Variants in ZNF585B observed in about 807,000 individuals in gnomAD.
ZNF585B encodes the protein zinc finger protein 585B, also known as zinc finger protein 41-like protein.
A neutral mutation model predicts 14.0 loss-of-function variants in ZNF585B; 7 were observed. That is an observed-to-expected ratio of 0.50 (90% confidence interval 0.28 to 0.94). The LOEUF is 0.94. ZNF585B is among the 40% of genes least tolerant of loss of function. ZNF585B has a pLI of 0.09. For missense variants in ZNF585B, 750 were observed against 924.4 expected, an observed-to-expected ratio of 0.81 and a Z score of 2.45; for synonymous variants, 290 against 317.3, an observed-to-expected ratio of 0.91 and a Z score of 0.91.
intron 2 of ZNF585B, among the ~76,000 whole-genome samples, chr19:37,194,857 T>G (rs1003487918): frequency 2.0e-5 from 3 of 151,808 alleles, no homozygotes; most frequent in African/African-American, 7.3e-5. Context: ...CAAATTTAAA[T>G]GAATAAAATA....
At position 37,182,460 on chromosome 19, in the gene ZNF585B, C is replaced by G. The variant is rs1482071160; in HGVS notation, c.*2767G>C. 6.6e-6 allele frequency: 1 copy of G among 152,132 alleles called. No individual in the cohort carries two copies. The highest frequency in any genetic ancestry group is 2.4e-5 in the African/African-American group (1 of 41,416). 9.4% of individuals were successfully genotyped at this position (152,132 alleles called of 1,614,324 possible). On this transcript the variant is annotated 3_prime_UTR_variant, in exon 5 of 5. Transcript: ENST00000532828. ...ATGTTGTATCACAAAATATCCAAAA[C>G]TGAAGGAAGAATAGTGAAGCTTCAG...
chr19:37,206,938 G>T (rs765649617), intron 2 of ZNF585B, 102 bp downstream of exon 2: 18 of 1,433,116 alleles, frequency 1.3e-5, no homozygotes, highest in Non-Finnish European at 1.7e-5. Flanking sequence ...GAGTCCAGCT[G>T]GTTCCTAAGG....
chr19:37,205,629 G>A (rs1972577368), intron 2 of ZNF585B, among the ~76,000 whole-genome samples: 3 of 152,168 alleles, frequency 2.0e-5, no homozygotes, highest in Admixed American at 2.0e-4. Flanking sequence ...AGGCAGAGGT[G>A]GGTGAACCAC....
At chr19:37,207,393 C>A in intron 1 of ZNF585B, 139 bp from the exon 2 acceptor site, 1 of 486,000 alleles carries the variant, frequency 2.1e-6, no homozygotes, top group Non-Finnish European at 3.4e-6. Flanking sequence ...ACCTGGAGGG[C>A]TTGTTAAAAC....
Position 37,189,723 on chromosome 19 carries a change from A to T in ZNF585B, c.230T>A (p.Met77Lys). The T allele has an allele frequency of 6.2e-7, 1 of 1,614,018 alleles. No homozygotes were observed. Among genetic ancestry groups the T allele is most frequent in the South Asian group, 1.1e-5 (1 of 91,060 alleles). ...CCATGGTTCCTTTCCTTGCTCCAAC[A>T]TGACCACCTCTGGTTTAGGAACTTG... ...GYQVPKPEVV[M>K]LEQGKEPWAL... Residue 77 changes from methionine to lysine, a missense_variant, in exon 4 of 5, where the codon ATG (methionine) becomes AAG (lysine). Transcript: ENST00000532828.
chr19:37,199,630 CA>C (rs11299786), intron 2 of ZNF585B: 40,107 of 280,124 alleles, frequency 0.14, 3,478 homozygotes, highest in African/African-American at 0.26. Context: ...AAGGATAAAA[CA>C]AAAATAGAGA....
chr19:37,209,183 C>A (rs1324811393), intron 1 of ZNF585B, among the ~76,000 whole-genome samples: 1 of 152,070 alleles, frequency 6.6e-6, no homozygotes, highest in Non-Finnish European at 1.5e-5. Flanking sequence ...TGGCTCACTG[C>A]GACCTCCGCC....
intron 2 of ZNF585B, chr19:37,199,106 G>A (rs1329077146): frequency 3.0e-6 from 3 of 1,001,738 alleles, no homozygotes; most frequent in Non-Finnish European, 2.9e-6. Context: ...CACTTGTATA[G>A]TCACACCCTA....
intron 2 of ZNF585B, among the ~76,000 whole-genome samples, chr19:37,197,811 T>TA (rs1455625279): frequency 6.6e-6 from 1 of 152,204 alleles, no homozygotes; most frequent in Non-Finnish European, 1.5e-5. Context: ...CCATTATTTT[T>TA]AATGGCAAAA....
intron 1 of ZNF585B, 70 bp from the exon 2 acceptor site, chr19:37,207,324 C>G (rs1972596836): frequency 2.6e-5 from 31 of 1,208,488 alleles, no homozygotes; most frequent in Non-Finnish European, 3.4e-5. Context: ...CACCAAGGTG[C>G]AGGTCCCTGC....
At chr19:37,199,432 G>A (rs779369166) in intron 2 of ZNF585B, 1 of 402,430 alleles carries the variant, frequency 2.5e-6, no homozygotes, top group South Asian at 1.6e-5. Flanking sequence ...GGCTAAGGTG[G>A]GGGGATCGAT....
intron 1 of ZNF585B, among the ~76,000 whole-genome samples, chr19:37,209,427 C>T (rs929823401): frequency 3.3e-5 from 5 of 152,066 alleles, no homozygotes; most frequent in African/African-American, 9.7e-5. Context: ...ATACACTCAA[C>T]TGATCCCAAT....
At chr19:37,207,771 T>C (rs1257408844) in intron 1 of ZNF585B, among the ~76,000 whole-genome samples, 1 of 152,152 alleles carries the variant, frequency 6.6e-6, no homozygotes, top group Non-Finnish European at 1.5e-5. Flanking sequence ...GCAATTACCA[T>C]GCACTATATT....
chr19:37,207,233 C>A lies in ZNF585B; in HGVS notation c.-122G>T. ...TCTGGAGGAAGGTCTGGCCCAGGGACTCCCCAGAGACACCCAAGAACCTAG... is the reference window on the plus strand; with the variant it reads ...TCTGGAGGAAGGTCTGGCCCAGGGAATCCCCAGAGACACCCAAGAACCTAG... On this transcript the variant is annotated 5_prime_UTR_variant, in exon 2 of 5. Transcript: ENST00000532828. 6.6e-7 allele frequency: 1 copy of A among 1,523,122 alleles called. No individual in the cohort carries two copies. The highest frequency in any genetic ancestry group is 8.8e-7 in the Non-Finnish European group (1 of 1,138,616). 94.4% of individuals were successfully genotyped at this position (1,523,122 alleles called of 1,614,324 possible).
chr19:37,185,705 C>T lies in ZNF585B; in HGVS notation c.1832G>A (p.Cys611Tyr). Residue 611 changes from cysteine (C) to tyrosine (Y), a missense_variant, in exon 5 of 5, where the codon TGT (cysteine) becomes TAT (tyrosine). This residue lies in a region of ZNF585B where 233 missense variants were observed against 354.1 expected (regional missense o/e 0.66). Transcript: ENST00000532828. Reference sequence around the variant, plus strand: ...AGACTTGGAGGTAAAGGACTTCCCACAGTCACTGCATTCATAAGGCTTCTC... The same window carrying T: ...AGACTTGGAGGTAAAGGACTTCCCATAGTCACTGCATTCATAAGGCTTCTC... ...TGEKPYECSD[C>Y]GKSFTSKSQL... The T allele has an allele frequency of 1.9e-6, 3 of 1,598,110 alleles. No individual in the cohort carries two copies. The highest frequency in any genetic ancestry group is 8.5e-7 in the Non-Finnish European group (1 of 1,171,674).
intron 2 of ZNF585B, among the ~76,000 whole-genome samples, chr19:37,194,539 G>C (rs186602779): frequency 5.7e-4 from 87 of 152,288 alleles, no homozygotes; most frequent in Non-Finnish European, 1.2e-4. Flanking sequence ...TTTGAACCTG[G>C]GAGGTGGAGG....
chr19:37,200,736 G>A (rs536408712), intron 2 of ZNF585B, among the ~76,000 whole-genome samples: 184 of 151,626 alleles, frequency 1.2e-3, no homozygotes, highest in African/African-American at 4.4e-3. Flanking sequence ...AGTCTTAAAC[G>A]ATAGATATAA....
chr19:37,208,944 A>G (rs945587156), intron 1 of ZNF585B, among the ~76,000 whole-genome samples: 1 of 152,024 alleles, frequency 6.6e-6, no homozygotes, highest in Non-Finnish European at 1.5e-5. Flanking sequence ...ATGAGCGGAG[A>G]TCACGGCATT....
chr19:37,186,024 G>A lies in ZNF585B; in HGVS notation c.1513C>T (p.Gln505Ter). 6.2e-7 allele frequency: 1 copy of A among 1,613,874 alleles called. No homozygotes were observed. Among genetic ancestry groups the A allele is most frequent in the Non-Finnish European group, 8.5e-7 (1 of 1,179,996 alleles). The change falls in exon 5 of 5, where the codon CAG becomes TAG. Residue 505 changes from glutamine (Q) to a stop codon, truncating the protein, a stop_gained. Transcript: ENST00000532828. LOFTEE classifies it low-confidence loss of function (END_TRUNC). ...TGATGTGTAATCAAGTCTGACCTCTGGGTGAAGGCCTTTCCACATTTGGAA... is the reference window on the plus strand; with the variant it reads ...TGATGTGTAATCAAGTCTGACCTCTAGGTGAAGGCCTTTCCACATTTGGAA... ...ICSKCGKAFT[Q>*]RSDLITHQRI...
Sources: allele counts gnomAD v4.1 joint callset (sites outside exome capture counted in the v4.1 genomes callset), GRCh38; gene constraint gnomAD v4.1.1; regional missense constraint gnomAD v4.1.1; transcripts MANE v1.5; gene names NCBI Gene and HGNC (gene_info 2026-07-23, HGNC 2026-07-21).